ARVCF: variants seen among roughly 807,000 people sequenced by gnomAD.
ARVCF encodes ARVCF delta catenin family member.
In ARVCF, 66 loss-of-function variants were observed where a neutral mutation model predicts 90.9. That is an observed-to-expected ratio of 0.73 (90% CI 0.60 to 0.89). The LOEUF is 0.89. Among genes scored for constraint, ARVCF ranks in the 40% least tolerant of loss-of-function variants. The pLI is 0.00. For synonymous variants in ARVCF, 653 were observed against 603.4 expected (o/e 1.08, Z -1.21); for missense variants, 1,469 against 1,382.3 (o/e 1.06, Z -1.00).
intron 2 of ARVCF, among the ~76,000 whole-genome samples, chr22:20,004,564 C>T (rs997170863): frequency 6.6e-6 from 1 of 151,914 alleles, no homozygotes; most frequent in Non-Finnish European, 1.5e-5. Context: ...AGATTTATAT[C>T]GATCTTTAAG....
intron 2 of ARVCF, among the ~76,000 whole-genome samples, chr22:20,008,383 G>A (rs370372881): frequency 6.6e-6 from 1 of 152,164 alleles, no homozygotes; most frequent in African/African-American, 2.4e-5. Flanking sequence ...GTCTCAGCAC[G>A]CACCACCCCA....
At chr22:19,971,435 G>A in intron 18 of ARVCF, 100 bp from the exon 19 acceptor site, 2 of 1,406,418 alleles carry the variant, frequency 1.4e-6, no homozygotes, top group Non-Finnish European at 1.9e-6. Context: ...CGATGTAAGG[G>A]TTGGCCTGCC....
intron 3 of ARVCF, among the ~76,000 whole-genome samples, chr22:19,984,360 C>T (rs946338309): frequency 1.3e-5 from 2 of 152,150 alleles, no homozygotes. Flanking sequence ...AGGAGAGCCA[C>T]GCCCCCGCAG....
chr22:19,979,381 G>A (rs1001699349), intron 6 of ARVCF: 17 of 513,738 alleles, frequency 3.3e-5, no homozygotes, highest in African/African-American at 2.5e-4. Context: ...ACAGAGACAC[G>A]GTGACCCTAC....
chr22:20,006,676 G>A (rs1944640497), intron 2 of ARVCF, among the ~76,000 whole-genome samples: 1 of 151,352 alleles, frequency 6.6e-6, no homozygotes, highest in Non-Finnish European at 1.5e-5. Flanking sequence ...CCTGTCGCCA[G>A]GCTAGAGTGC....
rs746843275 is a variant in ARVCF at position 19,979,959 on chromosome 22, G to A, written c.1180C>T (p.Arg394Trp). 24 of 1,595,474 alleles carry A rather than the reference G, an allele frequency of 1.5e-5. No individual in the cohort carries two copies. Among genetic ancestry groups the A allele is most frequent in the Middle Eastern group, 1.7e-4 (1 of 6,048 alleles). Residue 394 changes from arginine to tryptophan, a missense_variant, in exon 6 of 20, where the codon CGG (arginine) becomes TGG (tryptophan). Physicochemically the swap from Arg to Trp is moderately radical, Grantham distance 101. Coordinates refer to ENST00000263207, the MANE Select transcript of ARVCF (RefSeq NM_001670.3). The stretch of plus-strand genomic sequence containing the variant: ...AGCCCCCGCAACTGCCGTACACGCC[G>A]CTTGACACCCTCGTTCTCAAAGCAC... ...HLCFENEGVK[R>W]RVRQLRGLPL...
Position 19,971,267 on chromosome 22 carries a change from T to C in ARVCF, c.2850A>G (p.Val950=), listed in dbSNP as rs752994621. The C allele has an allele frequency of 5.8e-6, 9 of 1,556,522 alleles. No individual in the cohort carries two copies. In the South Asian group the frequency reaches 9.5e-5, roughly 16 times the overall value. The change falls in exon 19 of 20, where the codon GTA becomes GTG. Residue 950 remains valine (V), a synonymous_variant. Coordinates refer to ENST00000263207, the MANE Select transcript of ARVCF (RefSeq NM_001670.3). The part of the protein sequence containing the change: ...SRPAVRLVDA[V]GDAKPQPVDS... The stretch of plus-strand genomic sequence containing the variant: ...CAACGGGCTGAGGCTTAGCGTCCCC[T>C]ACGGCGTCCACCAGCCTGACCGCGG...
chr22:19,985,772 C>G (rs1363074951), intron 3 of ARVCF, among the ~76,000 whole-genome samples: 1 of 152,232 alleles, frequency 6.6e-6, no homozygotes, highest in Non-Finnish European at 1.5e-5. Context: ...CTCCCCTGTC[C>G]AAGGCCTGGC....
Position 19,981,600 on chromosome 22 carries a change from C to T in ARVCF, c.507G>A (p.Leu169=). ...GTGTGGCCACTGGGCCACCACCACG[C>T]AGCAGGAAATGCCGGTCCAGGGCAC... The part of the protein sequence containing the change: ...ADGALDRHFL[L]RGGGPVATLS... The change falls in exon 5 of 20, where the codon CTG becomes CTA. Residue 169 remains leucine, a synonymous_variant. Coordinates refer to ENST00000263207, the MANE Select transcript of ARVCF (RefSeq NM_001670.3). 6.2e-7 allele frequency: 1 copy of T among 1,607,502 alleles called. No homozygotes were observed. The highest frequency in any genetic ancestry group is 8.5e-7 in the Non-Finnish European group (1 of 1,179,632).
At chr22:20,014,407 C>G (rs904744114) in intron 1 of ARVCF, among the ~76,000 whole-genome samples, 1 of 152,182 alleles carries the variant, frequency 6.6e-6, no homozygotes, top group African/African-American at 2.4e-5. Context: ...GTTGGCCAGG[C>G]TAGTGTCAAA....
intron 14 of ARVCF, 32 bp downstream of exon 14, chr22:19,973,085 GGC>G: frequency 8.8e-7 from 1 of 1,133,548 alleles, no homozygotes; most frequent in East Asian, 3.5e-5. Context: ...CCACCTCCGC[GGC>G]TCCCCAAGCC....
intron 2 of ARVCF, among the ~76,000 whole-genome samples, chr22:20,003,571 T>G (rs1466215599): frequency 6.6e-6 from 1 of 152,162 alleles, no homozygotes; most frequent in Non-Finnish European, 1.5e-5. Flanking sequence ...GATGGTTCCA[T>G]GTACAAAAAT....
chr22:19,978,106 C>G (rs1402698461), intron 7 of ARVCF, 31 bp from the exon 8 acceptor site: 1 of 1,564,764 alleles, frequency 6.4e-7, no homozygotes, highest in African/African-American at 1.4e-5. Flanking sequence ...CAGGTGACCC[C>G]TGGCTACCAG....
At chr22:19,972,013 G>A (rs1268785328) in intron 17 of ARVCF, 42 bp from the exon 18 acceptor site, 1 of 1,541,364 alleles carries the variant, frequency 6.5e-7, no homozygotes. Flanking sequence ...CGCTCTGAGG[G>A]AGGCCCTGTA....
rs936565065 is a variant in ARVCF at position 19,975,524 on chromosome 22, G to A, written c.1960+162C>T. Among the ~76,000 whole-genome samples, 6 of 152,288 alleles carry A rather than the reference G, an allele frequency of 3.9e-5. No individual in the cohort carries two copies. In the East Asian group the frequency reaches 5.8e-4, roughly 15 times the overall value. On this transcript the variant is annotated intron_variant, in intron 11 of 19. Coordinates refer to ENST00000263207, the MANE Select transcript of ARVCF (RefSeq NM_001670.3). The stretch of plus-strand genomic sequence containing the variant: ...ATTCTAAACCCTCAGCAGGTGTCCT[G>A]GTGCTGAATCACCCTCCAGGAAATC...
chr22:20,008,940 GA>G (rs1282760852), intron 2 of ARVCF, among the ~76,000 whole-genome samples: 1 of 152,134 alleles, frequency 6.6e-6, no homozygotes, highest in Non-Finnish European at 1.5e-5. Flanking sequence ...GGAGGGAAAA[GA>G]AGGGACAAGA....
chr22:19,994,901 C>T (rs767625476), intron 2 of ARVCF, among the ~76,000 whole-genome samples: 4 of 86,038 alleles, frequency 4.6e-5, no homozygotes, highest in African/African-American at 9.8e-5. Flanking sequence ...GATGGATGAA[C>T]GTATGGATGG....
intron 13 of ARVCF, 92 bp downstream of exon 13, chr22:19,973,551 C>T (rs1424230526): frequency 1.6e-5 from 24 of 1,520,336 alleles, no homozygotes; most frequent in Middle Eastern, 1.8e-4. Context: ...GCCTGGACTC[C>T]CAAACCACTC....
chr22:19,987,853 T>G (rs1224976392), intron 3 of ARVCF, among the ~76,000 whole-genome samples: 2 of 152,054 alleles, frequency 1.3e-5, no homozygotes, highest in South Asian at 2.1e-4. Context: ...AAGCCCCGAA[T>G]GCACCCCCAC....
Sources: gnomAD v4.1 joint callset for allele counts (sites outside exome capture counted in the v4.1 genomes callset) on GRCh38, gnomAD v4.1.1 for gene constraint, MANE v1.5 for transcripts, NCBI Gene and HGNC (gene_info 2026-07-23, HGNC 2026-07-21) for gene names.